ZNF573: variants seen among roughly 807,000 people sequenced by gnomAD.
The protein encoded by ZNF573 is zinc finger protein 573.
Under a neutral mutation model 57.4 loss-of-function variants are expected in ZNF573, and 41 were observed. The ratio of observed to expected loss-of-function variants is 0.71; its 90% confidence interval spans 0.56 to 0.93. The LOEUF (loss-of-function observed/expected upper bound fraction) is 0.93, where lower values mean the gene tolerates loss of function less well. ZNF573 is among the 40% of genes least tolerant of loss of function. The pLI, the probability that ZNF573 is intolerant of heterozygous loss-of-function variation, is 0.00. For synonymous variants in ZNF573, 249 were observed against 261.0 expected, an observed-to-expected ratio of 0.95 and a Z score of 0.44; for missense variants, 730 against 794.8, an observed-to-expected ratio of 0.92 and a Z score of 0.98.
intron 4 of ZNF573, among the ~76,000 whole-genome samples, chr19:37,744,265 G>A (rs1415937490): frequency 6.6e-6 from 1 of 152,110 alleles, no homozygotes; most frequent in African/African-American, 2.4e-5. Context: ...AGGAAAAGGA[G>A]GCTGGCTTGG....
chr19:37,765,537 C>A (rs1028117773), intron 4 of ZNF573, among the ~76,000 whole-genome samples: 1 of 151,870 alleles, frequency 6.6e-6, no homozygotes, highest in African/African-American at 2.4e-5. Context: ...ATGGAGAAAC[C>A]CCATCTCTAC....
chr19:37,763,146 A>G (rs2045568481), intron 4 of ZNF573, among the ~76,000 whole-genome samples: 1 of 151,960 alleles, frequency 6.6e-6, no homozygotes. Context: ...CTTGAGCTCT[A>G]GCACCTGTGG....
intron 4 of ZNF573, among the ~76,000 whole-genome samples, chr19:37,741,845 G>C (rs1343719480): frequency 1.3e-5 from 2 of 152,128 alleles, no homozygotes; most frequent in African/African-American, 4.8e-5. Flanking sequence ...GCAAGAGAAA[G>C]AAATAAAAGT....
At chr19:37,773,312 C>T (rs953590485) in intron 2 of ZNF573, among the ~76,000 whole-genome samples, 1 of 152,166 alleles carries the variant, frequency 6.6e-6, no homozygotes, top group East Asian at 1.9e-4. Flanking sequence ...CAGAGCCTAC[C>T]TATGGTATCC....
chr19:37,739,703 T>A lies in ZNF573; in HGVS notation c.787A>T (p.Ile263Phe). Residue 263 changes from isoleucine to phenylalanine, a missense_variant, in exon 5 of 5, where the codon ATT (isoleucine) becomes TTT (phenylalanine). Coordinates refer to ENST00000536220, the MANE Select transcript of ZNF573 (RefSeq NM_001172690.2). Reference protein sequence around the residue: ...RAFSQGGHLRIHQRVHTGEKP... With the variant: ...RAFSQGGHLRFHQRVHTGEKP... ...TCGCCAGTATGAACTCTCTGATGAA[T>A]TCTAAGATGTCCACCTTGACTAAAG... The A allele has an allele frequency of 6.2e-7, 1 of 1,613,784 alleles. No homozygotes were observed. Among genetic ancestry groups the A allele is most frequent in the Non-Finnish European group, 8.5e-7 (1 of 1,179,872 alleles).
chr19:37,759,042 C>T (rs1271557504), intron 4 of ZNF573: 2 of 530,362 alleles, frequency 3.8e-6, no homozygotes, highest in African/African-American at 4.1e-5. Flanking sequence ...ATTATAGGCT[C>T]ACACCTGTAT....
intron 4 of ZNF573, chr19:37,759,103 T>C (rs2045526459): frequency 1.6e-5 from 8 of 503,470 alleles, no homozygotes; most frequent in Non-Finnish European, 2.1e-5. Context: ...GCCCAGGAGT[T>C]AGAGACCAGC....
chr19:37,740,287 A>C, intron 4 of ZNF573, 93 bp from the exon 5 acceptor site: 2 of 1,143,362 alleles, frequency 1.7e-6, no homozygotes. Flanking sequence ...ATTCATAATA[A>C]GTGAATGGCA....
chr19:37,757,885 C>T (rs570805285), intron 4 of ZNF573, among the ~76,000 whole-genome samples: 3 of 151,838 alleles, frequency 2.0e-5, no homozygotes, highest in Non-Finnish European at 2.9e-5. Flanking sequence ...AGTTCATGTC[C>T]GTTGTAGGGA....
chr19:37,763,410 C>G (rs1032511429), intron 4 of ZNF573, among the ~76,000 whole-genome samples: 2 of 151,240 alleles, frequency 1.3e-5, no homozygotes, highest in African/African-American at 4.9e-5. Flanking sequence ...TGTAAAAATA[C>G]AAAAATTAGC....
At chr19:37,745,753 G>A (rs952951196) in intron 4 of ZNF573, among the ~76,000 whole-genome samples, 1 of 152,158 alleles carries the variant, frequency 6.6e-6, no homozygotes, top group Non-Finnish European at 1.5e-5. Flanking sequence ...GAACTATAAT[G>A]TACATAGAGG....
intron 1 of ZNF573, among the ~76,000 whole-genome samples, chr19:37,776,481 A>G (rs1599711941): frequency 6.6e-6 from 1 of 152,326 alleles, no homozygotes; most frequent in East Asian, 1.9e-4. Context: ...AGAAAAATCA[A>G]CTCAAGATGG....
intron 2 of ZNF573, among the ~76,000 whole-genome samples, chr19:37,772,446 A>T (rs868137267): frequency 1.4e-4 from 21 of 147,802 alleles, no homozygotes; most frequent in Middle Eastern, 3.5e-3. Flanking sequence ...CTCCATATTT[A>T]AAAAAAAAAG....
chr19:37,759,203 T>G, intron 4 of ZNF573: 1 of 586,294 alleles, frequency 1.7e-6, no homozygotes, highest in Admixed American at 6.4e-5. Flanking sequence ...AATTACATAT[T>G]ATAGAATTAT....
chr19:37,768,104 A>T (rs191652674), intron 4 of ZNF573, among the ~76,000 whole-genome samples: 22 of 152,272 alleles, frequency 1.4e-4, no homozygotes, highest in African/African-American at 4.8e-4. Context: ...ATAAAAAAAA[A>T]TTTTTAAGTT....
At chr19:37,762,223 C>A (rs1175097888) in intron 4 of ZNF573, among the ~76,000 whole-genome samples, 4 of 152,082 alleles carry the variant, frequency 2.6e-5, no homozygotes, top group Non-Finnish European at 5.9e-5. Context: ...CTGGACTTTG[C>A]AAAGATGTCA....
chr19:37,765,885 T>C (rs2045597465), intron 4 of ZNF573, among the ~76,000 whole-genome samples: 1 of 149,148 alleles, frequency 6.7e-6, no homozygotes, highest in Non-Finnish European at 1.5e-5. Context: ...ACTAAAAATA[T>C]AAAAATTAGC....
intron 4 of ZNF573, among the ~76,000 whole-genome samples, chr19:37,742,074 A>G (rs1233446221): frequency 6.6e-6 from 1 of 152,194 alleles, no homozygotes; most frequent in Non-Finnish European, 1.5e-5. Context: ...TCCCATTCAT[A>G]ATCGCTACAA....
In ZNF573 at chr19:37,764,524, T is replaced by C. The variant is rs1451695342; in HGVS notation, c.295+5481A>G. On this transcript the variant is annotated intron_variant, in intron 4 of 4. Coordinates refer to ENST00000536220, the MANE Select transcript of ZNF573 (RefSeq NM_001172690.2). ...TTAATAGAGACGGGGTTTCACCATGTTGGCCAGAATGGTCTCGATCTCTTG... is the reference window on the plus strand; with the variant it reads ...TTAATAGAGACGGGGTTTCACCATGCTGGCCAGAATGGTCTCGATCTCTTG... 5.9e-5 allele frequency among the ~76,000 whole-genome samples: 9 copies of C among 151,924 alleles called. No individual in the cohort carries two copies. The East Asian group carries it at 1.7e-3, about 29-fold the overall frequency.
Sources: allele counts gnomAD v4.1 joint callset (sites outside exome capture counted in the v4.1 genomes callset), GRCh38; gene constraint gnomAD v4.1.1; transcripts MANE v1.5; gene names NCBI Gene and HGNC (gene_info 2026-07-23, HGNC 2026-07-21).